PLAGL1: variants seen among roughly 807,000 people sequenced by gnomAD.
The protein encoded by PLAGL1 is zinc finger protein PLAGL1.
A neutral mutation model predicts 4.6 loss-of-function variants in PLAGL1; 1 was observed. That is an observed-to-expected ratio of 0.22 (90% CI 0.08 to 1.03). The LOEUF (loss-of-function observed/expected upper bound fraction) is 1.03. PLAGL1 is among the 50% of genes least tolerant of loss of function. PLAGL1 has a pLI of 0.58. For synonymous variants in PLAGL1, 240 were observed against 237.8 expected, an observed-to-expected ratio of 1.01 and a Z score of -0.08; for missense variants, 464 against 570.4, an observed-to-expected ratio of 0.81 and a Z score of 1.90.
rs538967329 is a variant in PLAGL1, at chr6:143,962,641, C to T, written c.-398-2099G>A. Among the ~76,000 whole-genome samples the T allele has an allele frequency of 1.3e-5, 2 of 152,210 alleles. No homozygotes were observed. The highest frequency in any genetic ancestry group is 2.4e-5 in the African/African-American group (1 of 41,466). On this transcript the variant is annotated intron_variant, in intron 5 of 7. Transcript: ENST00000674357. The surrounding 1 kb of genome is among the most constrained non-coding windows in gnomAD (Gnocchi z 5.3). ...TGCTTCTGAGAACAGCATTTAAGAA[C>T]CCGTCTTTTTCTCTCTTAATGAACT...
chr6:144,054,612 G>T (rs1389011944), intron 1 of PLAGL1, among the ~76,000 whole-genome samples: 1 of 152,148 alleles, frequency 6.6e-6, no homozygotes, highest in African/African-American at 2.4e-5. Flanking sequence ...TCGGAGGCGA[G>T]GGGAGGGAGA....
Position 143,941,682 on chromosome 6 carries a change from C to T in PLAGL1, c.1134G>A (p.Leu378=), listed in dbSNP as rs72546304. 28,638 of 1,614,194 alleles carry T rather than the reference C, an allele frequency of 0.018. 323 individuals carry two copies. The highest frequency in any genetic ancestry group is 0.02 in the Non-Finnish European group (24,031 of 1,180,020). ...DAVNLTIPAS[L]DLSPLLGFWQ... ...AGAAGCCCAACAGGGGGGACAGGTCCAGAGAGGCAGGTATTGTTAGGTTCA... is the reference window on the plus strand; with the variant it reads ...AGAAGCCCAACAGGGGGGACAGGTCTAGAGAGGCAGGTATTGTTAGGTTCA... Residue 378 remains leucine (L), a synonymous_variant, in exon 8 of 8, where the codon CTG becomes CTA. Coordinates refer to ENST00000674357, the MANE Select transcript of PLAGL1 (RefSeq NM_001317162.2). This position sits in a 1 kb window ranked among gnomAD's most constrained non-coding sequence, Gnocchi z 6.0.
Position 143,959,328 on chromosome 6 carries a change from A to C in PLAGL1, c.-325+1141T>G, listed in dbSNP as rs1348537468. On this transcript the variant is annotated intron_variant, in intron 6 of 7. Transcript: ENST00000674357. This position sits in a 1 kb window ranked among gnomAD's most constrained non-coding sequence, Gnocchi z 5.3. ...TTCGCAGCCCATGGACTCGCCACTG[A>C]ATACTTCGGCAGACACATTCCAGGA... Among the ~76,000 whole-genome samples, 1 of 152,084 alleles carries C rather than the reference A, an allele frequency of 6.6e-6. No individual in the cohort carries two copies. The highest frequency in any genetic ancestry group is 1.9e-4 in the East Asian group (1 of 5,192).
In PLAGL1 at chr6:143,962,002, C is replaced by T. The variant is rs116507806; in HGVS notation, c.-398-1460G>A. On this transcript the variant is annotated intron_variant, in intron 5 of 7. Coordinates refer to ENST00000674357, the MANE Select transcript of PLAGL1 (RefSeq NM_001317162.2). This position sits in a 1 kb window ranked among gnomAD's most constrained non-coding sequence, Gnocchi z 5.3. ...TTCTGAATTCAACAATACTCCTTGG[C>T]CTCCAAGGGCTCACACAGGAGCTTA... Among the ~76,000 whole-genome samples, 270 of 152,268 alleles carry T rather than the reference C, an allele frequency of 1.8e-3. 2 individuals are homozygous for T. The highest frequency in any genetic ancestry group is 6.0e-3 in the African/African-American group (248 of 41,538).
In PLAGL1 at chr6:144,055,495, C is replaced by A. The variant is rs956258612; in HGVS notation, c.-151+8973G>T. ...GTCCCCAAATCTAGCTTCTTGTTGC[C>A]CTGGGTGCCTCTATCGTAGGACCCC... On this transcript the variant is annotated intron_variant, in intron 1 of 3. Transcript: ENST00000437412. The surrounding 1 kb of genome is among the most constrained non-coding windows in gnomAD (Gnocchi z 5.0). 6.6e-6 allele frequency among the ~76,000 whole-genome samples: 1 copy of A among 152,082 alleles called. No individual in the cohort carries two copies. The highest frequency in any genetic ancestry group is 1.9e-4 in the East Asian group (1 of 5,194).
At chr6:144,002,851 G>A (rs1793201565) in intron 1 of PLAGL1, among the ~76,000 whole-genome samples, 1 of 146,864 alleles carries the variant, frequency 6.8e-6, no homozygotes, top group South Asian at 2.2e-4. Flanking sequence ...GCTCTGTAGA[G>A]TCAATGCAAT....
chr6:143,991,513 A>G (rs1790470150), intron 1 of PLAGL1, among the ~76,000 whole-genome samples: 1 of 152,190 alleles, frequency 6.6e-6, no homozygotes, highest in Admixed American at 6.5e-5. Context: ...TGCTTATCCC[A>G]TAACCTGTCT....
chr6:143,972,421 G>A lies in PLAGL1; in HGVS notation c.-543-3443C>T, dbSNP rs1785592734. ...GAGATGTGAAAGAAGGTATCTCAGA[G>A]ATGTTTCCTTGTGATAATCTCAAGA... On this transcript the variant is annotated intron_variant, in intron 2 of 7. Transcript: ENST00000674357. This position sits in a 1 kb window ranked among gnomAD's most constrained non-coding sequence, Gnocchi z 6.8. 6.6e-6 allele frequency among the ~76,000 whole-genome samples: 1 copy of A among 152,182 alleles called. No homozygotes were observed. Among genetic ancestry groups the A allele is most frequent in the Non-Finnish European group, 1.5e-5 (1 of 68,012 alleles).
chr6:143,991,791 T>C (rs1374645862), intron 1 of PLAGL1, among the ~76,000 whole-genome samples: 1 of 152,230 alleles, frequency 6.6e-6, no homozygotes, highest in African/African-American at 2.4e-5. Flanking sequence ...GGCTCTTTCC[T>C]AGATCTGTGT....
rs1310733908 is a variant in PLAGL1 at position 143,994,876 on chromosome 6, C to T, written c.-583-9702G>A. 2.6e-5 allele frequency among the ~76,000 whole-genome samples: 4 copies of T among 152,202 alleles called. No homozygotes were observed. Among genetic ancestry groups the T allele is most frequent in the Non-Finnish European group, 4.4e-5 (3 of 68,020 alleles). ...CAGTTTCTGATGTGTTTGCTCTTAG[C>T]AAATTTGCATTAATTTCAGATTTTC... On this transcript the variant is annotated intron_variant, in intron 1 of 7. Transcript: ENST00000674357. The surrounding 1 kb of genome is among the most constrained non-coding windows in gnomAD (Gnocchi z 4.3).
Position 143,978,522 on chromosome 6 carries a change from G to A in PLAGL1, c.-544+6613C>T, listed in dbSNP as rs1484683241. Among the ~76,000 whole-genome samples the A allele has an allele frequency of 1.3e-5, 2 of 152,068 alleles. No homozygotes were observed. Among genetic ancestry groups the A allele is most frequent in the African/African-American group, 2.4e-5 (1 of 41,414 alleles). ...CTTTTAGTTTAATTCTGTAGTCTCA[G>A]AAAGTATTTTGTATGGTTTCTATTC... On this transcript the variant is annotated intron_variant, in intron 2 of 7. Coordinates refer to ENST00000674357, the MANE Select transcript of PLAGL1 (RefSeq NM_001317162.2). This position sits in a 1 kb window ranked among gnomAD's most constrained non-coding sequence, Gnocchi z 4.6.
intron 1 of PLAGL1, among the ~76,000 whole-genome samples, chr6:143,998,233 A>T (rs1282102605): frequency 1.3e-5 from 2 of 152,338 alleles, no homozygotes; most frequent in East Asian, 3.9e-4. Context: ...CAAAGTGAAG[A>T]TTCTATAGTA....
rs1583206814 is a variant in PLAGL1, at chr6:143,959,821, A to G, written c.-325+648T>C. ...CCCAAAGGCATTAGCTTCTATTAATATCATTACTGGTGATGATGATAATGA... is the reference window on the plus strand; with the variant it reads ...CCCAAAGGCATTAGCTTCTATTAATGTCATTACTGGTGATGATGATAATGA... On this transcript the variant is annotated intron_variant, in intron 6 of 7. Transcript: ENST00000674357. The surrounding 1 kb of genome is among the most constrained non-coding windows in gnomAD (Gnocchi z 5.3). Among the ~76,000 whole-genome samples the G allele has an allele frequency of 6.6e-6, 1 of 152,338 alleles. No individual in the cohort carries two copies. The highest frequency in any genetic ancestry group is 2.1e-4 in the South Asian group (1 of 4,824).
rs1780159389 is a variant in PLAGL1, at chr6:143,947,998, A to G, written c.139T>C (p.Tyr47His). Residue 47 changes from tyrosine to histidine, a missense_variant, in exon 7 of 8, where the codon TAT (tyrosine) becomes CAT (histidine). Physicochemically the swap from Tyr to His is moderately conservative, Grantham distance 83. This residue lies in a region of PLAGL1 where 161 missense variants were observed against 196.7 expected (regional missense o/e 0.82). Coordinates refer to ENST00000674357, the MANE Select transcript of PLAGL1 (RefSeq NM_001317162.2). The surrounding 1 kb of genome is among the most constrained non-coding windows in gnomAD (Gnocchi z 4.3). ...AAAGCCTCTCACCTCATCAATTTAT[A>G]TCTGGAAACAAAGGCTTTGCCACAG... ...PDCGKAFVSR[Y>H]KLMRHMATHS... 1.9e-6 allele frequency: 3 copies of G among 1,613,922 alleles called. No homozygotes were observed. Among genetic ancestry groups the G allele is most frequent in the Admixed American group, 1.7e-5 (1 of 59,988 alleles).
In PLAGL1 at chr6:144,022,396, T is replaced by C. The variant is rs1796035281; in HGVS notation, c.-151+42072A>G. Reference sequence around the variant, plus strand: ...TTTAAAAGTTGACAATACAAAATGTTAACAAGGATGCAGAGCAACAATCCA... The same window carrying C: ...TTTAAAAGTTGACAATACAAAATGTCAACAAGGATGCAGAGCAACAATCCA... On this transcript the variant is annotated intron_variant, in intron 1 of 3. Coordinates refer to the PLAGL1 transcript ENST00000437412. The surrounding 1 kb of genome is among the most constrained non-coding windows in gnomAD (Gnocchi z 4.2). 6.6e-6 allele frequency among the ~76,000 whole-genome samples: 1 copy of C among 152,220 alleles called. No individual in the cohort carries two copies.
At chr6:144,041,449 T>C (rs1053451253) in intron 1 of PLAGL1, among the ~76,000 whole-genome samples, 7 of 152,056 alleles carry the variant, frequency 4.6e-5, no homozygotes, top group African/African-American at 7.2e-5. Context: ...TTTTTGTCCC[T>C]GTGACAATTT....
chr6:144,057,539 C>T (rs1217478953), intron 1 of PLAGL1, among the ~76,000 whole-genome samples: 1 of 152,196 alleles, frequency 6.6e-6, no homozygotes, highest in Non-Finnish European at 1.5e-5. Context: ...TCGTACCCTT[C>T]CCTGCACTGG....
At chr6:144,009,786 G>T (rs934703206), upstream of PLAGL1, among the ~76,000 whole-genome samples, 2 of 151,894 alleles carry the variant, frequency 1.3e-5, no homozygotes, top group African/African-American at 4.8e-5. Flanking sequence ...TTCTGTTCCT[G>T]TGTTAGTTTG....
chr6:144,007,496 T>C (rs1554273026), intron 1 of PLAGL1: 1 of 152,210 alleles, frequency 6.6e-6, no homozygotes, highest in Non-Finnish European at 1.5e-5. Context: ...TATTCAAAAT[T>C]ACAGGAGTAT....
Sources: gnomAD v4.1 joint callset for allele counts (sites outside exome capture counted in the v4.1 genomes callset) on GRCh38, gnomAD v4.1.1 for gene constraint, gnomAD v4.1.1 regional missense constraint, Gnocchi (gnomAD v3.1) non-coding constraint, MANE v1.5 for transcripts, NCBI Gene and HGNC (gene_info 2026-07-23, HGNC 2026-07-21) for gene names.